The following ARHGAP22 variants were observed in gnomAD, a reference collection of about 807,000 sequenced individuals.
ARHGAP22 encodes the protein rho GTPase-activating protein 22.
A neutral mutation model predicts 59.1 loss-of-function variants in ARHGAP22; 48 were observed. The ratio of observed to expected loss-of-function variants is 0.81; its 90% CI spans 0.64 to 1.03. ARHGAP22 has a LOEUF of 1.03. ARHGAP22 is among the 50% of genes least tolerant of loss of function. The pLI, the probability that ARHGAP22 is intolerant of heterozygous loss-of-function variation, is 0.00. For missense variants in ARHGAP22, 1,015 were observed against 958.7 expected (o/e 1.06, Z -0.78); for synonymous variants, 445 against 416.4 (o/e 1.07, Z -0.84).
At chr10:48,626,439 C>T (rs1020541226) in intron 1 of ARHGAP22, among the ~76,000 whole-genome samples, 3 of 152,120 alleles carry the variant, frequency 2.0e-5, no homozygotes, top group Non-Finnish European at 4.4e-5. Flanking sequence ...TGCTGAAATC[C>T]AGTAAGCTGT....
intron 1 of ARHGAP22, among the ~76,000 whole-genome samples, chr10:48,626,281 G>T (rs1822861): frequency 0.46 from 70,191 of 151,940 alleles, 16,759 homozygotes; most frequent in Admixed American, 0.55. Context: ...GGAAACTGGA[G>T]AGGTGTTGTC....
At chr10:48,597,898 A>C (rs1176850561) in intron 1 of ARHGAP22, among the ~76,000 whole-genome samples, 1 of 152,284 alleles carries the variant, frequency 6.6e-6, no homozygotes, top group African/African-American at 2.4e-5. Context: ...ATTTCAGCAG[A>C]GTCAGGGCAG....
At chr10:48,647,386 T>C (rs758286623) in intron 1 of ARHGAP22, among the ~76,000 whole-genome samples, 3 of 151,926 alleles carry the variant, frequency 2.0e-5, no homozygotes, top group Admixed American at 6.6e-5. Flanking sequence ...AGAGCAAAAC[T>C]CAGTATCAAA....
chr10:48,480,521 CTA>C, intron 3 of ARHGAP22, among the ~76,000 whole-genome samples: 1 of 152,224 alleles, frequency 6.6e-6, no homozygotes, highest in Non-Finnish European at 1.5e-5. Flanking sequence ...CATCCCTGGA[CTA>C]TCTGCCAGTA....
intron 1 of ARHGAP22, among the ~76,000 whole-genome samples, chr10:48,635,868 C>T (rs2061795852): frequency 6.6e-6 from 1 of 152,212 alleles, no homozygotes; most frequent in African/African-American, 2.4e-5. Context: ...GATGGAAGGA[C>T]TGCACTTTTG....
At chr10:48,654,440 C>G (rs1253114632), upstream of ARHGAP22, among the ~76,000 whole-genome samples, 3 of 152,220 alleles carry the variant, frequency 2.0e-5, no homozygotes, top group East Asian at 5.8e-4. Context: ...CTCACCCATC[C>G]CTGAACCACC....
chr10:48,444,879 A>T (rs57775594), downstream of ARHGAP22: 14,373 of 152,236 alleles, frequency 0.094, 718 homozygotes, highest in Non-Finnish European at 0.11. Context: ...GGAGGGTAGC[A>T]TCTCAACACC....
At chr10:48,645,931 G>C (rs2062275934) in intron 1 of ARHGAP22, among the ~76,000 whole-genome samples, 1 of 152,114 alleles carries the variant, frequency 6.6e-6, no homozygotes, top group Non-Finnish European at 1.5e-5. Flanking sequence ...CAGATGATAT[G>C]ATACTGTGTT....
rs1430366544 is a variant in ARHGAP22 at position 48,470,313 on chromosome 10, C to T, written c.451+9323G>A. Among the ~76,000 whole-genome samples the T allele has an allele frequency of 3.9e-5, 6 of 152,214 alleles. 1 individual carries two copies. Among genetic ancestry groups the T allele is most frequent in the Non-Finnish European group, 7.3e-5 (5 of 68,038 alleles). The stretch of plus-strand genomic sequence containing the variant: ...GTAGTGACAGCCCCCTGTAAATCAT[C>T]CCGACTAGCTTACCAGGCTCTCCCT... On this transcript the variant is annotated intron_variant, in intron 4 of 9. Transcript: ENST00000249601.
chr10:48,647,750 A>T (rs767709250), intron 1 of ARHGAP22, among the ~76,000 whole-genome samples: 16 of 152,354 alleles, frequency 1.1e-4, no homozygotes, highest in Non-Finnish European at 1.6e-4. Flanking sequence ...TGCTCATAAC[A>T]GCATCATTCG....
intron 1 of ARHGAP22, among the ~76,000 whole-genome samples, chr10:48,586,335 TAAC>T (rs1161122285): frequency 6.6e-6 from 1 of 152,176 alleles, no homozygotes; most frequent in African/African-American, 2.4e-5. Context: ...CCATATGAGA[TAAC>T]AACACCTCAC....
At chr10:48,434,767 A>G in the ARHGAP22 span, 1 of 761,526 alleles carries the variant, frequency 1.3e-6, no homozygotes, top group Non-Finnish European at 2.0e-6. Context: ...GATTATTTTT[A>G]GTGAGCCTTC....
intron 3 of ARHGAP22, among the ~76,000 whole-genome samples, chr10:48,536,588 C>A (rs1015589626): frequency 3.3e-5 from 5 of 152,192 alleles, no homozygotes; most frequent in Admixed American, 2.0e-4. Flanking sequence ...ACCCAACAGA[C>A]CTCCTGTAAA....
chr10:48,608,076 A>C (rs1172040453), upstream of ARHGAP22, among the ~76,000 whole-genome samples: 1 of 152,210 alleles, frequency 6.6e-6, no homozygotes, highest in African/African-American at 2.4e-5. Flanking sequence ...GTTTATTGTC[A>C]TTGGGAGTTG....
intron 3 of ARHGAP22, chr10:48,493,699 G>C: frequency 7.4e-6 from 10 of 1,352,620 alleles, no homozygotes; most frequent in Non-Finnish European, 9.5e-6. Flanking sequence ...GGCTGGGACT[G>C]TCTGGGGCGG....
At position 48,486,333 on chromosome 10, in the gene ARHGAP22, T is replaced by TA. The variant is rs1554870584; in HGVS notation, c.323-6570_323-6569insT. ...ATTGTTGCTATTTTTATTTTATTAT[T>TA]TTATTATTATTATTATTATTTTGAG... On this transcript the variant is annotated intron_variant, in intron 3 of 9. Coordinates refer to ENST00000249601, the MANE Select transcript of ARHGAP22 (RefSeq NM_021226.4). 5.3e-5 allele frequency among the ~76,000 whole-genome samples: 8 copies of TA among 151,186 alleles called. No homozygotes were observed. In the East Asian group the frequency reaches 1.4e-3, roughly 26 times the overall value.
intron 2 of ARHGAP22, among the ~76,000 whole-genome samples, chr10:48,576,310 GA>G (rs1404392127): frequency 8.5e-5 from 13 of 152,302 alleles, no homozygotes; most frequent in African/African-American, 2.9e-4. Flanking sequence ...CTAGAAGAGG[GA>G]GCCCCTGGCC....
Position 48,617,321 on chromosome 10 carries a change from A to G in ARHGAP22, c.53-34169T>C, listed in dbSNP as rs2061119090. Among the ~76,000 whole-genome samples, 3 of 152,056 alleles carry G rather than the reference A, an allele frequency of 2.0e-5. No homozygotes were observed. The South Asian group carries it at 6.2e-4, about 31-fold the overall frequency. On this transcript the variant is annotated intron_variant, in intron 1 of 9. Transcript: ENST00000435790. ...TTAGACAGAAAATTAACAAAGAGACATTGAACTTAAACTGCACTTTAGAAC... is the reference window on the plus strand; with the variant it reads ...TTAGACAGAAAATTAACAAAGAGACGTTGAACTTAAACTGCACTTTAGAAC...
rs764502861 is a variant in ARHGAP22 at position 48,450,643 on chromosome 10, G to C, written c.1486C>G (p.Pro496Ala). Reference sequence around the variant, plus strand: ...ATGCCGGGGACCAGGCCCGGCGCGGGCACATTGTCGTAGGTGGAGAGTCTC... The same window carrying C: ...ATGCCGGGGACCAGGCCCGGCGCGGCCACATTGTCGTAGGTGGAGAGTCTC... The part of the protein sequence containing the change: ...VQRLSTYDNV[P>A]APGLVPGIPS... Residue 496 changes from proline (P) to alanine (A), a missense_variant, in exon 9 of 10, where the codon CCC becomes GCC. Pro to Ala is a conservative substitution (Grantham distance 27). Coordinates refer to ENST00000249601, the MANE Select transcript of ARHGAP22 (RefSeq NM_021226.4). The C allele has an allele frequency of 1.9e-5, 29 of 1,549,904 alleles. No individual in the cohort carries two copies. The highest frequency in any genetic ancestry group is 2.4e-5 in the Non-Finnish European group (28 of 1,147,018).
Sources: allele counts gnomAD v4.1 joint callset (sites outside exome capture counted in the v4.1 genomes callset), GRCh38; gene constraint gnomAD v4.1.1; transcripts MANE v1.5; gene names NCBI Gene and HGNC (gene_info 2026-07-23, HGNC 2026-07-21).